PRDM10: variants seen among roughly 807,000 people sequenced by gnomAD.
The protein encoded by PRDM10 is PR domain zinc finger protein 10.
A neutral mutation model predicts 133.1 loss-of-function variants in PRDM10; 65 were observed. That is an observed-to-expected ratio of 0.49 (90% CI 0.40 to 0.60). PRDM10 has a LOEUF of 0.60. Ranked by LOEUF, PRDM10 falls within the 20% of genes least tolerant of loss-of-function variation. The pLI, the probability that PRDM10 is intolerant of heterozygous loss-of-function variation, is 0.00. For synonymous variants in PRDM10, 582 were observed against 580.4 expected (o/e 1.00, Z -0.04); for missense variants, 1,137 against 1,507.1 (o/e 0.75, Z 4.07).
intron 9 of PRDM10, 140 bp from the exon 10 acceptor site, chr11:129,932,371 A>T: frequency 9.0e-7 from 1 of 1,114,000 alleles, no homozygotes; most frequent in Non-Finnish European, 1.2e-6. Context: ...CAATAGAAAC[A>T]ACTGTTTTAC....
intron 1 of PRDM10, among the ~76,000 whole-genome samples, chr11:129,995,813 G>A (rs1019463212): frequency 1.3e-5 from 2 of 152,126 alleles, no homozygotes; most frequent in Non-Finnish European, 2.9e-5. Flanking sequence ...GGGTGTGATG[G>A]CGGGCTCCTG....
intron 1 of PRDM10, among the ~76,000 whole-genome samples, chr11:129,973,783 C>G (rs531568974): frequency 3.3e-5 from 5 of 152,184 alleles, no homozygotes; most frequent in South Asian, 4.1e-4. Context: ...AGAAACAGAA[C>G]AGTGTAAGAT....
chr11:129,930,960 G>C, intron 11 of PRDM10, 56 bp downstream of exon 11: 3 of 1,549,158 alleles, frequency 1.9e-6, no homozygotes, highest in Non-Finnish European at 2.6e-6. Flanking sequence ...CAGAGAGCTG[G>C]TGGTGGGAGG....
chr11:129,979,158 CAAAG>C (rs1937962789), intron 1 of PRDM10, among the ~76,000 whole-genome samples: 2 of 152,138 alleles, frequency 1.3e-5, no homozygotes, highest in Admixed American at 1.3e-4. Flanking sequence ...GGTAATTTCA[CAAAG>C]AAATCTGTCA....
intron 1 of PRDM10, among the ~76,000 whole-genome samples, chr11:129,987,642 CTCA>C (rs145324995): frequency 0.025 from 3,757 of 152,256 alleles, 123 homozygotes; most frequent in African/African-American, 0.073. Flanking sequence ...GATCCAAATA[CTCA>C]TCAACTGATA....
intron 1 of PRDM10, among the ~76,000 whole-genome samples, chr11:129,985,960 T>A (rs1938419182): frequency 6.6e-6 from 1 of 151,698 alleles, no homozygotes; most frequent in African/African-American, 2.4e-5. Flanking sequence ...CCCATACCAA[T>A]GCTGCAAGAT....
chr11:129,956,410 G>A (rs1268330108), intron 3 of PRDM10, among the ~76,000 whole-genome samples: 1 of 152,048 alleles, frequency 6.6e-6, no homozygotes, highest in Non-Finnish European at 1.5e-5. Context: ...CTAAAAATAC[G>A]AAAATTAGCT....
At chr11:129,936,004 T>C (rs1277046633) in intron 8 of PRDM10, among the ~76,000 whole-genome samples, 2 of 152,176 alleles carry the variant, frequency 1.3e-5, no homozygotes, top group East Asian at 1.9e-4. Context: ...ATGTGGGGCT[T>C]TGAGCCAGGG....
rs1302825262 is a variant in PRDM10 at position 129,900,564 on chromosome 11, TTTAAG to T, written c.*1744_*1748del. On this transcript the variant is annotated 3_prime_UTR_variant, in exon 21 of 21. Transcript: ENST00000360871. ...TTAAAAAGAACGTAACAGGGCCAAA[TTTAAG>T]TTATAAAAGCTAAAACTGAACCTTT... The T allele has an allele frequency of 6.6e-6, 1 of 152,588 alleles. No homozygotes were observed. The highest frequency in any genetic ancestry group is 6.5e-5 in the Admixed American group (1 of 15,278). The allele number at this position is 152,588 out of a possible 1,614,324, so 9.5% of individuals were successfully genotyped here.
In PRDM10 at chr11:129,900,391, A is replaced by T. The variant is rs1949813589; in HGVS notation, c.*1922T>A. On this transcript the variant is annotated 3_prime_UTR_variant, in exon 21 of 21. Coordinates refer to ENST00000360871, the MANE Select transcript of PRDM10 (RefSeq NM_199437.2). ...AAGAAGAAGACAACTTAGAAGGGAA[A>T]GCAACAAAGAGGTCCTTCCACAATA... The T allele has an allele frequency of 6.5e-6, 1 of 152,966 alleles. No individual in the cohort carries two copies. The highest frequency in any genetic ancestry group is 1.5e-5 in the Non-Finnish European group (1 of 68,038). 9.5% of individuals were successfully genotyped at this position (152,966 alleles called of 1,614,324 possible). A position where few individuals can be genotyped will look rare whatever the true frequency, so the allele number is the denominator to read the frequency against.
intron 4 of PRDM10, among the ~76,000 whole-genome samples, chr11:129,952,573 G>C (rs34143597): frequency 0.068 from 10,318 of 152,102 alleles, 678 homozygotes; most frequent in East Asian, 0.39. Flanking sequence ...CTGGAGTGCA[G>C]AGTGGCTTAA....
At chr11:129,988,206 G>T (rs1182739314) in intron 1 of PRDM10, among the ~76,000 whole-genome samples, 7 of 152,174 alleles carry the variant, frequency 4.6e-5, no homozygotes, top group Non-Finnish European at 1.0e-4. Context: ...TAGGGATTAG[G>T]AGGAGATAGA....
chr11:129,928,041 GCAATGAATTCTAAGA>G (rs1950737564), intron 11 of PRDM10, among the ~76,000 whole-genome samples: 1 of 152,202 alleles, frequency 6.6e-6, no homozygotes, highest in Non-Finnish European at 1.5e-5. Flanking sequence ...AACTCACATT[GCAATGAATTCTAAGA>G]CAACAGATTA....
intron 3 of PRDM10, 69 bp downstream of exon 3, chr11:129,957,673 TGACA>T: frequency 2.0e-6 from 3 of 1,531,610 alleles, no homozygotes; most frequent in Admixed American, 1.8e-5. Context: ...GCACAATGAC[TGACA>T]GAAAGTAAAC....
chr11:129,982,152 C>T (rs192629488), intron 1 of PRDM10, among the ~76,000 whole-genome samples: 477 of 150,442 alleles, frequency 3.2e-3, no homozygotes, highest in African/African-American at 9.9e-3. Context: ...CCAGCTACTC[C>T]GGAGGCTGAG....
intron 1 of PRDM10, among the ~76,000 whole-genome samples, chr11:129,986,619 G>A (rs1289918138): frequency 6.6e-6 from 1 of 152,110 alleles, no homozygotes; most frequent in Admixed American, 6.6e-5. Flanking sequence ...GAACTCCTGG[G>A]CTCAAGCGAT....
At chr11:129,975,304 G>A (rs943726985) in intron 1 of PRDM10, among the ~76,000 whole-genome samples, 5 of 151,962 alleles carry the variant, frequency 3.3e-5, no homozygotes, top group Non-Finnish European at 5.9e-5. Context: ...GCAGGCGCCT[G>A]TAGTCCCTAC....
chr11:129,921,848 TG>T (rs1302922828), intron 13 of PRDM10, among the ~76,000 whole-genome samples: 1 of 152,236 alleles, frequency 6.6e-6, no homozygotes, highest in Non-Finnish European at 1.5e-5. Flanking sequence ...AGCCACCAGC[TG>T]TCTTCCTGAC....
chr11:129,995,317 G>A (rs1039425164), intron 1 of PRDM10, among the ~76,000 whole-genome samples: 1 of 151,964 alleles, frequency 6.6e-6, no homozygotes, highest in Admixed American at 6.6e-5. Context: ...TCTCCCATGC[G>A]CTCTGACCCC....
Sources: gnomAD v4.1 joint callset for allele counts (sites outside exome capture counted in the v4.1 genomes callset) on GRCh38, gnomAD v4.1.1 for gene constraint, MANE v1.5 for transcripts, NCBI Gene and HGNC (gene_info 2026-07-23, HGNC 2026-07-21) for gene names.